The following PRDM6 variants were observed in gnomAD, a reference collection of about 807,000 sequenced individuals.
The protein encoded by PRDM6 is putative histone-lysine N-methyltransferase PRDM6.
PRDM6 carries 25 observed loss-of-function variants against 60.8 expected under a neutral mutation model. The ratio of observed to expected loss-of-function variants is 0.41; its 90% CI spans 0.30 to 0.57. PRDM6 has a LOEUF of 0.57. Ranked by LOEUF, PRDM6 falls within the 20% of genes least tolerant of loss-of-function variation. The pLI is 0.27. For missense variants in PRDM6, 839 were observed against 821.3 expected, an observed-to-expected ratio of 1.02 and a Z score of -0.26; for synonymous variants, 407 against 357.4, an observed-to-expected ratio of 1.14 and a Z score of -1.57.
chr5:123,097,009 C>A (rs1763974206), intron 2 of PRDM6, among the ~76,000 whole-genome samples: 1 of 152,032 alleles, frequency 6.6e-6, no homozygotes, highest in African/African-American at 2.4e-5. Flanking sequence ...ACTCTTCTGA[C>A]CATTTGCATC....
intron 5 of PRDM6, among the ~76,000 whole-genome samples, chr5:123,159,926 A>T (rs1280050491): frequency 6.6e-6 from 1 of 152,206 alleles, no homozygotes; most frequent in Non-Finnish European, 1.5e-5. Flanking sequence ...CTGAGTACCT[A>T]CTATGTGTCT....
intron 3 of PRDM6, among the ~76,000 whole-genome samples, chr5:123,137,176 C>T (rs1219288812): frequency 6.6e-6 from 1 of 152,170 alleles, no homozygotes; most frequent in Non-Finnish European, 1.5e-5. Flanking sequence ...GTTACTTGCA[C>T]ATATGTGTGG....
At chr5:123,107,967 T>C (rs889552777) in intron 3 of PRDM6, among the ~76,000 whole-genome samples, 1 of 152,186 alleles carries the variant, frequency 6.6e-6, no homozygotes, top group African/African-American at 2.4e-5. Flanking sequence ...TCATTTTTAA[T>C]TAATTTTTTT....
At chr5:123,177,971 A>G (rs1381156697) in intron 6 of PRDM6, among the ~76,000 whole-genome samples, 1 of 152,148 alleles carries the variant, frequency 6.6e-6, no homozygotes, top group Admixed American at 6.5e-5. Flanking sequence ...AGGTCACTGC[A>G]TCCCTAGCAT....
At position 123,170,866 on chromosome 5, in the gene PRDM6, C is replaced by A; in HGVS notation, c.1254C>A (p.Ser418=). Residue 418 remains serine, a synonymous_variant, in exon 6 of 8, where the codon TCC becomes TCA. Coordinates refer to ENST00000407847, the MANE Select transcript of PRDM6 (RefSeq NM_001136239.4). ...TCGCCCCTACCACCCAGCAGCGCTC[C>A]GTTGTTTTCCCCCAGACTCCGTGCA... ...SKLAPTTQQR[S]VVFPQTPCSR... is the part of the protein sequence containing the mutation. 6.4e-7 allele frequency: 1 copy of A among 1,552,252 alleles called. No homozygotes were observed. The highest frequency in any genetic ancestry group is 8.7e-7 in the Non-Finnish European group (1 of 1,147,114).
chr5:123,139,906 G>T (rs1765060053), intron 3 of PRDM6, among the ~76,000 whole-genome samples: 1 of 152,074 alleles, frequency 6.6e-6, no homozygotes. Flanking sequence ...AAAGGATGCT[G>T]CAGGAAGGGC....
rs1766367531 is a variant in PRDM6 at position 123,189,669 on chromosome 5, G to A, written c.*2468G>A. ...TTGGCATATATATTCCACCAAATTTGGTCAGAAAATATTTTCTGCCTAACA... is the reference window on the plus strand; with the variant it reads ...TTGGCATATATATTCCACCAAATTTAGTCAGAAAATATTTTCTGCCTAACA... On this transcript the variant is annotated 3_prime_UTR_variant, in exon 8 of 8. Transcript: ENST00000407847. 1 of 152,080 alleles carries A rather than the reference G, an allele frequency of 6.6e-6. No homozygotes were observed. Among genetic ancestry groups the A allele is most frequent in the African/African-American group, 2.4e-5 (1 of 41,384 alleles). The allele number at this position is 152,080 out of a possible 1,614,324, so 9.4% of individuals were successfully genotyped here. A position where few individuals can be genotyped will look rare whatever the true frequency, so the allele number is the denominator to read the frequency against.
chr5:123,090,530 G>T lies in PRDM6; in HGVS notation c.516G>T (p.Glu172Asp), dbSNP rs764532823. 9 of 1,515,050 alleles carry T rather than the reference G, an allele frequency of 5.9e-6. No homozygotes were observed. Among genetic ancestry groups the T allele is most frequent in the African/African-American group, 1.4e-5 (1 of 70,174 alleles). 93.9% of individuals were successfully genotyped at this position (1,515,050 alleles called of 1,614,324 possible). ...GAPRFRCSAE[E>D]LDYYLYGQQR... ...CGCGCTTCCGCTGCAGCGCAGAGGA[G>T]CTGGACTATTACCTGTATGGCCAGC... Residue 172 changes from glutamate (E) to aspartate (D), a missense_variant, in exon 2 of 8, where the codon GAG becomes GAT. Transcript: ENST00000407847.
chr5:123,152,318 A>G (rs1438222540), intron 3 of PRDM6, among the ~76,000 whole-genome samples: 1 of 152,208 alleles, frequency 6.6e-6, no homozygotes, highest in Admixed American at 6.5e-5. Context: ...AGAACTGGAA[A>G]AGCTCAAGCC....
chr5:123,155,179 A>T (rs1462550210), intron 3 of PRDM6, among the ~76,000 whole-genome samples: 6 of 151,966 alleles, frequency 3.9e-5, no homozygotes, highest in African/African-American at 1.5e-4. Flanking sequence ...GATGTGAGGC[A>T]GTAACAATTA....
Position 123,090,447 on chromosome 5 carries a change from C to G in PRDM6, c.433C>G (p.Pro145Ala). Residue 145 changes from proline (P) to alanine (A), a missense_variant, in exon 2 of 8, where the codon CCC becomes GCC. By Grantham distance (27) the Pro-to-Ala change is conservative. Transcript: ENST00000407847. ...KELCLGATSGPGPVKCGGGGG... is the reference protein window; with the variant it reads ...KELCLGATSGAGPVKCGGGGG... ...ACTGTGCCTCGGCGCCACCTCCGGC[C>G]CCGGGCCCGTCAAGTGCGGTGGTGG... 6.8e-7 allele frequency: 1 copy of G among 1,463,228 alleles called. No homozygotes were observed. The highest frequency in any genetic ancestry group is 9.0e-7 in the Non-Finnish European group (1 of 1,116,712). The allele number at this position is 1,463,228 out of a possible 1,614,324, so 90.6% of individuals were successfully genotyped here. A position where few individuals can be genotyped will look rare whatever the true frequency, so the allele number is the denominator to read the frequency against.
chr5:123,124,225 G>A (rs1764645706), intron 3 of PRDM6, among the ~76,000 whole-genome samples: 1 of 152,142 alleles, frequency 6.6e-6, no homozygotes. Context: ...AGCACAACAG[G>A]AAGAGCCAAT....
chr5:123,107,617 G>T (rs1157373081), intron 3 of PRDM6, among the ~76,000 whole-genome samples: 1 of 152,180 alleles, frequency 6.6e-6, no homozygotes, highest in Non-Finnish European at 1.5e-5. Context: ...TTTGTTTTCA[G>T]TCATCCTTTT....
intron 5 of PRDM6, among the ~76,000 whole-genome samples, chr5:123,170,259 C>G (rs149225765): frequency 6.6e-6 from 1 of 152,138 alleles, no homozygotes; most frequent in Non-Finnish European, 1.5e-5. Flanking sequence ...AGGTGTCTTT[C>G]GTCTTGTTCC....
intron 5 of PRDM6, among the ~76,000 whole-genome samples, chr5:123,161,612 G>A (rs1561866809): frequency 1.3e-5 from 2 of 152,182 alleles, no homozygotes; most frequent in Non-Finnish European, 2.9e-5. Flanking sequence ...GTCCCAAGAT[G>A]GGAATGTTCC....
intron 3 of PRDM6, among the ~76,000 whole-genome samples, chr5:123,144,891 G>A (rs143951227): frequency 6.2e-4 from 94 of 152,154 alleles, no homozygotes; most frequent in African/African-American, 2.1e-3. Flanking sequence ...CCTGGCAGGC[G>A]TCGTATCCTT....
intron 3 of PRDM6, among the ~76,000 whole-genome samples, chr5:123,119,118 G>A (rs1764522026): frequency 6.6e-6 from 1 of 152,118 alleles, no homozygotes; most frequent in African/African-American, 2.4e-5. Flanking sequence ...ATAATGCACT[G>A]GAGTGACTGA....
chr5:123,103,616 C>T (rs1764148210), intron 3 of PRDM6, among the ~76,000 whole-genome samples: 1 of 151,934 alleles, frequency 6.6e-6, no homozygotes, highest in African/African-American at 2.4e-5. Context: ...AAAACATTAT[C>T]TCAATTATTA....
At chr5:123,144,952 G>A (rs774709997) in intron 3 of PRDM6, among the ~76,000 whole-genome samples, 18 of 152,036 alleles carry the variant, frequency 1.2e-4, no homozygotes, top group Non-Finnish European at 2.1e-4. Context: ...ACCCATCCAA[G>A]CAGCCATCCA....
Sources: allele counts gnomAD v4.1 joint callset (sites outside exome capture counted in the v4.1 genomes callset), GRCh38; gene constraint gnomAD v4.1.1; transcripts MANE v1.5; gene names NCBI Gene and HGNC (gene_info 2026-07-23, HGNC 2026-07-21).